ZBTB7C: variants seen among roughly 807,000 people sequenced by gnomAD.
ZBTB7C encodes the protein zinc finger and BTB domain-containing protein 7C.
In ZBTB7C, 8 loss-of-function variants were observed where a neutral mutation model predicts 25.7. The ratio of observed to expected loss-of-function variants is 0.31; its 90% CI spans 0.18 to 0.56. The LOEUF is 0.56. Among genes scored for constraint, ZBTB7C ranks in the 20% least tolerant of loss-of-function variants. ZBTB7C has a pLI of 0.91. For synonymous variants in ZBTB7C, 394 were observed against 369.0 expected (o/e 1.07, Z -0.78); for missense variants, 824 against 855.2 (o/e 0.96, Z 0.46).
intron 3 of ZBTB7C, among the ~76,000 whole-genome samples, chr18:48,181,115 T>A (rs2041909089): frequency 6.6e-6 from 1 of 152,216 alleles, no homozygotes; most frequent in Non-Finnish European, 1.5e-5. Flanking sequence ...ACAGAGTAGT[T>A]GCTTAGAAAG....
At chr18:48,045,952 C>T (rs2036452242) in intron 3 of ZBTB7C, among the ~76,000 whole-genome samples, 1 of 152,194 alleles carries the variant, frequency 6.6e-6, no homozygotes, top group Admixed American at 6.5e-5. Flanking sequence ...TGCCAACAGC[C>T]AATGCCAACT....
intron 2 of ZBTB7C, among the ~76,000 whole-genome samples, chr18:48,278,314 A>G (rs2044728991): frequency 6.6e-6 from 1 of 152,208 alleles, no homozygotes; most frequent in Non-Finnish European, 1.5e-5. Context: ...TGAGGTTCCC[A>G]GTCAAGAGCA....
At chr18:48,033,572 G>A (rs1476800743) in intron 4 of ZBTB7C, among the ~76,000 whole-genome samples, 6 of 152,182 alleles carry the variant, frequency 3.9e-5, no homozygotes, top group Non-Finnish European at 8.8e-5. Context: ...AGTAGGCAAA[G>A]CTCATGATAA....
chr18:48,085,582 G>A (rs1299945885), intron 3 of ZBTB7C, among the ~76,000 whole-genome samples: 1 of 152,198 alleles, frequency 6.6e-6, no homozygotes. Context: ...GGGAGTATGA[G>A]TCAATTCTAC....
chr18:48,355,916 T>G (rs1008473371), intron 1 of ZBTB7C, among the ~76,000 whole-genome samples: 2 of 152,196 alleles, frequency 1.3e-5, no homozygotes, highest in African/African-American at 4.8e-5. Context: ...ACACCCCAGG[T>G]GAGCGGGCTG....
At chr18:48,337,321 C>T (rs1021607041) in intron 2 of ZBTB7C, among the ~76,000 whole-genome samples, 5 of 152,216 alleles carry the variant, frequency 3.3e-5, no homozygotes, top group African/African-American at 1.2e-4. Context: ...ATTTTCCCCA[C>T]GGTGGAAGTT....
At chr18:48,113,400 G>A (rs73956500) in intron 3 of ZBTB7C, among the ~76,000 whole-genome samples, 11,972 of 152,282 alleles carry the variant, frequency 0.079, 1,380 homozygotes, top group African/African-American at 0.26. Context: ...AAAGGAAGAT[G>A]AACTCAAAAA....
At chr18:48,342,286 C>T (rs2046621196) in intron 1 of ZBTB7C, among the ~76,000 whole-genome samples, 1 of 152,228 alleles carries the variant, frequency 6.6e-6, no homozygotes, top group Admixed American at 6.5e-5. Context: ...GCACCCCCTG[C>T]CCAGAGCCCA....
intron 2 of ZBTB7C, among the ~76,000 whole-genome samples, chr18:48,201,467 C>A (rs138722868): frequency 2.6e-5 from 4 of 152,246 alleles, no homozygotes; most frequent in Non-Finnish European, 4.4e-5. Flanking sequence ...CCCTGCCTAG[C>A]ACAGTCCCTG....
At chr18:48,269,570 G>A (rs919429915) in intron 2 of ZBTB7C, among the ~76,000 whole-genome samples, 5 of 152,234 alleles carry the variant, frequency 3.3e-5, no homozygotes, top group Admixed American at 2.6e-4. Context: ...AGCATCAGGA[G>A]CTTCTCTCCT....
intron 4 of ZBTB7C, among the ~76,000 whole-genome samples, chr18:48,033,653 G>A (rs1266506855): frequency 6.6e-6 from 1 of 152,218 alleles, no homozygotes; most frequent in African/African-American, 2.4e-5. Context: ...CTGATTCATG[G>A]TCTGAGTCAG....
intron 2 of ZBTB7C, among the ~76,000 whole-genome samples, chr18:48,316,084 C>T (rs2045941347): frequency 6.6e-6 from 1 of 152,166 alleles, no homozygotes; most frequent in South Asian, 2.1e-4. Context: ...TGCCTCACAC[C>T]ATCAACCACC....
chr18:48,232,327 G>C (rs75364447), intron 2 of ZBTB7C, among the ~76,000 whole-genome samples: 1 of 152,192 alleles, frequency 6.6e-6, no homozygotes, highest in Admixed American at 6.5e-5. Flanking sequence ...CCTTAAGAGA[G>C]AGCCCAGCTA....
intron 3 of ZBTB7C, among the ~76,000 whole-genome samples, chr18:48,170,907 G>A (rs1054225053): frequency 1.3e-5 from 2 of 152,072 alleles, no homozygotes; most frequent in African/African-American, 4.8e-5. Flanking sequence ...TGGTGCCTTC[G>A]CCAGGACTAG....
chr18:48,294,348 C>A (rs533512497), intron 2 of ZBTB7C, among the ~76,000 whole-genome samples: 2 of 151,984 alleles, frequency 1.3e-5, no homozygotes, highest in South Asian at 4.1e-4. Context: ...ATCCTGCACA[C>A]CCCCACCCCC....
Position 48,390,693 on chromosome 18 carries a change from T to TGCGTCCCA in ZBTB7C, c.-304+18525_-304+18532dup, listed in dbSNP as rs1400624720. ...CTTCCCCACAGGTAAAATGAGATGC[T>TGCGTCCCA]GCGTCCCAGCATCGCCAAGGTGTGG... On this transcript the variant is annotated intron_variant, in intron 1 of 4. Coordinates refer to ENST00000590800, the MANE Select transcript of ZBTB7C (RefSeq NM_001318841.2). Among the ~76,000 whole-genome samples the TGCGTCCCA allele has an allele frequency of 5.9e-5, 9 of 152,306 alleles. No individual in the cohort carries two copies. The East Asian group carries it at 1.7e-3, about 29-fold the overall frequency.
chr18:48,059,305 C>T (rs141049219), intron 3 of ZBTB7C, among the ~76,000 whole-genome samples: 1 of 152,114 alleles, frequency 6.6e-6, no homozygotes, highest in Non-Finnish European at 1.5e-5. Flanking sequence ...GGGTTGGGAA[C>T]AGCAGGAGAA....
At chr18:48,389,257 G>GTGTGTGTGTT (rs2047837529) in intron 1 of ZBTB7C, among the ~76,000 whole-genome samples, 1 of 146,998 alleles carries the variant, frequency 6.8e-6, no homozygotes, top group African/African-American at 2.6e-5. Context: ...GTGTGTGTGT[G>GTGTGTGTGTT]TGTGTGTGTG....
At chr18:48,062,024 T>G (rs532572233) in intron 3 of ZBTB7C, among the ~76,000 whole-genome samples, 2 of 152,302 alleles carry the variant, frequency 1.3e-5, no homozygotes, top group Non-Finnish European at 2.9e-5. Flanking sequence ...TTCTCACGTG[T>G]GGCAAGAAGG....
Sources: gnomAD v4.1 joint callset for allele counts (sites outside exome capture counted in the v4.1 genomes callset) on GRCh38, gnomAD v4.1.1 for gene constraint, MANE v1.5 for transcripts, NCBI Gene and HGNC (gene_info 2026-07-23, HGNC 2026-07-21) for gene names.